URI1: variants seen among roughly 807,000 people sequenced by gnomAD.
The protein encoded by URI1 is unconventional prefoldin RPB5 interactor 1.
In URI1, 39 loss-of-function variants were observed where a neutral mutation model predicts 60.2. The ratio of observed to expected loss-of-function variants is 0.65; its 90% CI spans 0.50 to 0.85. The LOEUF is 0.85. URI1 is among the 40% of genes least tolerant of loss of function. The pLI is 0.00. For synonymous variants in URI1, 251 were observed against 236.8 expected (o/e 1.06, Z -0.55); for missense variants, 691 against 665.9 (o/e 1.04, Z -0.42).
chr19:30,009,245 C>T lies in URI1; in HGVS notation c.927C>T (p.Asp309=), dbSNP rs548585247. 129 of 1,613,358 alleles carry T rather than the reference C, an allele frequency of 8.0e-5. No individual in the cohort carries two copies. The South Asian group carries it at 1.0e-3, about 13-fold the overall frequency. Residue 309 remains aspartate, a synonymous_variant, in exon 8 of 11, where the codon GAC becomes GAT. Coordinates refer to ENST00000392271, the MANE Select transcript of URI1 (RefSeq NM_003796.3). ...DDDDDDDDDD[D]DDNIDDDDGD... is the part of the protein sequence containing the mutation. ...ATGATGATGATGATGATGACGACGA[C>T]GACGACAACATTGACGACGATGATG...
chr19:29,965,755 A>G (rs990177881), intron 1 of URI1, among the ~76,000 whole-genome samples: 15 of 152,354 alleles, frequency 9.8e-5, no homozygotes, highest in Admixed American at 9.1e-4. Flanking sequence ...GAAAACTGTA[A>G]TAGAATACTT....
intron 1 of URI1, among the ~76,000 whole-genome samples, chr19:29,957,655 A>G (rs540552385): frequency 2.6e-5 from 4 of 152,292 alleles, no homozygotes; most frequent in East Asian, 1.9e-4. Context: ...CACCTTTCCA[A>G]TACTCAAAAA....
intron 1 of URI1, among the ~76,000 whole-genome samples, chr19:29,962,127 A>G (rs2055333631): frequency 6.6e-6 from 1 of 152,184 alleles, no homozygotes; most frequent in Non-Finnish European, 1.5e-5. Flanking sequence ...CAAGGGTTCC[A>G]GTCCACATAC....
intron 4 of URI1, among the ~76,000 whole-genome samples, chr19:30,002,247 A>G (rs910277986): frequency 6.6e-6 from 1 of 152,068 alleles, no homozygotes; most frequent in African/African-American, 2.4e-5. Context: ...AAATATATAC[A>G]ATTCTACAAA....
intron 2 of URI1, 121 bp from the exon 3 acceptor site, chr19:29,985,102 G>A (rs929247623): frequency 9.6e-6 from 8 of 836,146 alleles, no homozygotes; most frequent in East Asian, 6.1e-5. Context: ...CCTGGGCGAC[G>A]GAGCGACACT....
intron 1 of URI1, among the ~76,000 whole-genome samples, chr19:29,924,470 A>AT (rs542150784): frequency 6.6e-6 from 1 of 152,122 alleles, no homozygotes; most frequent in Non-Finnish European, 1.5e-5. Flanking sequence ...GGTTTCTGTC[A>AT]TTTTTTAGCC....
intron 4 of URI1, among the ~76,000 whole-genome samples, chr19:29,990,361 G>A (rs928304574): frequency 2.6e-5 from 4 of 152,158 alleles, no homozygotes; most frequent in African/African-American, 9.7e-5. Context: ...TAAACATTGT[G>A]TTTTACTGTG....
rs1251134751 is a variant in URI1, at chr19:29,985,254, C to G, written c.184C>G (p.Arg62Gly). ...KKVDNDYNAL[R>G]ERLSTLPDKL... ...GGTAGATAATGACTATAATGCCCTT[C>G]GAGAAAGACTCAGCACCTTGCCTGA... Residue 62 changes from arginine (R) to glycine (G), a missense_variant, in exon 3 of 11, where the codon CGA becomes GGA. By Grantham distance (125) the Arg-to-Gly change is moderately radical (BLOSUM62 -2). Coordinates refer to ENST00000392271, the MANE Select transcript of URI1 (RefSeq NM_003796.3). 1.3e-6 allele frequency: 2 copies of G among 1,595,886 alleles called. No homozygotes were observed. The highest frequency in any genetic ancestry group is 1.7e-6 in the Non-Finnish European group (2 of 1,170,880).
At position 30,015,472 on chromosome 19, in the gene URI1, C is replaced by G. The variant is rs552418705; in HGVS notation, c.*403C>G. 1.3e-4 allele frequency: 192 copies of G among 1,520,148 alleles called. 5 individuals are homozygous for G. The South Asian group carries it at 2.0e-3, about 16-fold the overall frequency. 94.2% of individuals were successfully genotyped at this position (1,520,148 alleles called of 1,614,324 possible). A position where few individuals can be genotyped will look rare whatever the true frequency, so the allele number is the denominator to read the frequency against. On this transcript the variant is annotated 3_prime_UTR_variant, in exon 11 of 11. Coordinates refer to ENST00000392271, the MANE Select transcript of URI1 (RefSeq NM_003796.3). ...AAAATTTTAAAATTTCAAATAGATT[C>G]AACAATTACATTACTTGCTTTCACA... is the stretch of plus-strand genomic sequence containing the variant.
chr19:30,005,736 G>A (rs199561795), intron 6 of URI1, 28 bp downstream of exon 6: 35 of 1,592,378 alleles, frequency 2.2e-5, no homozygotes, highest in Non-Finnish European at 2.7e-5. Context: ...TTTATGTGTA[G>A]CTGTTTAGAT....
At chr19:29,940,739 C>T (rs2055014698), upstream of URI1, among the ~76,000 whole-genome samples, 1 of 152,202 alleles carries the variant, frequency 6.6e-6, no homozygotes, top group Non-Finnish European at 1.5e-5. Flanking sequence ...GCATCACCCC[C>T]TTTGCCTGGA....
intron 10 of URI1, among the ~76,000 whole-genome samples, chr19:30,013,942 T>G (rs2056054472): frequency 1.3e-5 from 2 of 151,996 alleles, no homozygotes; most frequent in South Asian, 4.1e-4. Context: ...CTTTTTAAAT[T>G]ATTTAGGTGT....
chr19:29,973,723 A>T (rs1236999978), intron 2 of URI1, among the ~76,000 whole-genome samples: 1 of 152,170 alleles, frequency 6.6e-6, no homozygotes, highest in Admixed American at 6.5e-5. Context: ...GAGAAAATTA[A>T]TTTAAATCCT....
intron 4 of URI1, among the ~76,000 whole-genome samples, chr19:30,004,847 G>A (rs2055920330): frequency 3.9e-5 from 6 of 151,956 alleles, no homozygotes; most frequent in Non-Finnish European, 2.9e-5. Flanking sequence ...GAAAGGCTGT[G>A]TGTTGTGTTG....
At chr19:29,989,218 C>T (rs572559389) in intron 4 of URI1, among the ~76,000 whole-genome samples, 1 of 151,144 alleles carries the variant, frequency 6.6e-6, no homozygotes, top group Admixed American at 6.6e-5. Context: ...TCGAGCAATT[C>T]TCCTGCCTCA....
chr19:29,956,924 C>T, intron 1 of URI1: 2 of 1,079,724 alleles, frequency 1.9e-6, no homozygotes, highest in Non-Finnish European at 1.4e-6. Context: ...AACTGTGCGT[C>T]CCTTCAGAGT....
At chr19:30,007,992 A>G (rs2055966712) in intron 7 of URI1, among the ~76,000 whole-genome samples, 1 of 152,104 alleles carries the variant, frequency 6.6e-6, no homozygotes, top group Non-Finnish European at 1.5e-5. Context: ...AAGTATTTTT[A>G]TGCCACACCC....
chr19:29,974,145 C>T (rs1599690218), intron 2 of URI1, among the ~76,000 whole-genome samples: 1 of 152,098 alleles, frequency 6.6e-6, no homozygotes, highest in African/African-American at 2.4e-5. Context: ...TGCTCAGAGT[C>T]TCAGTTTTTT....
At chr19:29,992,499 C>T (rs567476811) in intron 4 of URI1, among the ~76,000 whole-genome samples, 1 of 152,128 alleles carries the variant, frequency 6.6e-6, no homozygotes, top group Admixed American at 6.5e-5. Flanking sequence ...TTTGGCATTC[C>T]CCCGTTTTTG....
Sources: gnomAD v4.1 joint callset for allele counts (sites outside exome capture counted in the v4.1 genomes callset) on GRCh38, gnomAD v4.1.1 for gene constraint, MANE v1.5 for transcripts, NCBI Gene and HGNC (gene_info 2026-07-23, HGNC 2026-07-21) for gene names.